The following ESRRG variants were observed in gnomAD, a reference collection of about 807,000 sequenced individuals.
The protein encoded by ESRRG is estrogen-related receptor gamma.
ESRRG carries 13 observed loss-of-function variants against 44.0 expected under a neutral mutation model. The ratio of observed to expected loss-of-function variants is 0.30; its 90% CI spans 0.19 to 0.47. ESRRG has a LOEUF of 0.47. Among genes scored for constraint, ESRRG ranks in the 20% least tolerant of loss-of-function variants. ESRRG has a pLI of 1.00. For synonymous variants in ESRRG, 215 were observed against 214.6 expected (o/e 1.00, Z -0.02); for missense variants, 395 against 580.6 (o/e 0.68, Z 3.29).
intron 1 of ESRRG, among the ~76,000 whole-genome samples, chr1:217,113,819 A>G (rs1189008751): frequency 6.6e-6 from 1 of 152,022 alleles, no homozygotes; most frequent in Non-Finnish European, 1.5e-5. Flanking sequence ...GTGAGACTTC[A>G]TCTCTACAAA....
chr1:216,700,029 G>A (rs959226177), intron 1 of ESRRG, among the ~76,000 whole-genome samples: 6 of 152,022 alleles, frequency 3.9e-5, no homozygotes, highest in African/African-American at 1.4e-4. Context: ...TTTAATGGAT[G>A]TATCAGTCAT....
chr1:217,122,217 T>C (rs1186066478), intron 1 of ESRRG, among the ~76,000 whole-genome samples: 1 of 152,164 alleles, frequency 6.6e-6, no homozygotes. Flanking sequence ...CAAGTAGAGA[T>C]ATCCAAGAGA....
chr1:216,526,777 G>A lies in ESRRG; in HGVS notation c.863-7356C>T, dbSNP rs11809345. Among the ~76,000 whole-genome samples, 1,056 of 152,196 alleles carry A rather than the reference G, an allele frequency of 6.9e-3. 6 individuals carry two copies. The highest frequency in any genetic ancestry group is 0.024 in the African/African-American group (997 of 41,514). Reference sequence around the variant, plus strand: ...TAATCATGAAGCACAAGGCTGTCTGGGTAACGGTGAGCACCTCAGACAAAA... The same window carrying A: ...TAATCATGAAGCACAAGGCTGTCTGAGTAACGGTGAGCACCTCAGACAAAA... On this transcript the variant is annotated intron_variant, in intron 5 of 6. Transcript: ENST00000408911.
intron 2 of ESRRG, among the ~76,000 whole-genome samples, chr1:216,661,596 C>A (rs2072437377): frequency 6.6e-6 from 1 of 152,060 alleles, no homozygotes; most frequent in Non-Finnish European, 1.5e-5. Flanking sequence ...TTGGATGATA[C>A]CCTATATGAT....
At chr1:216,817,478 C>T (rs1373234436) in intron 2 of ESRRG, among the ~76,000 whole-genome samples, 2 of 152,158 alleles carry the variant, frequency 1.3e-5, no homozygotes, top group Non-Finnish European at 2.9e-5. Flanking sequence ...TCAAACCTTA[C>T]ATAAATAGGC....
chr1:216,697,649 T>C (rs985652813), intron 1 of ESRRG, among the ~76,000 whole-genome samples: 1 of 152,174 alleles, frequency 6.6e-6, no homozygotes, highest in Non-Finnish European at 1.5e-5. Context: ...AAGGTCAAAA[T>C]AGCCATGCTA....
At chr1:216,821,687 G>GAAAA (rs1251334274) in intron 2 of ESRRG, among the ~76,000 whole-genome samples, 687 of 54,144 alleles carry the variant, frequency 0.013, 49 homozygotes, top group African/African-American at 0.041. Flanking sequence ...CCTGCCTCAG[G>GAAAA]AAAAATAAAT....
rs1056140044 is a variant in ESRRG at position 216,619,752 on chromosome 1, T to C, written c.589+31221A>G. Among the ~76,000 whole-genome samples the C allele has an allele frequency of 2.6e-5, 4 of 152,224 alleles. No homozygotes were observed. In the East Asian group the frequency reaches 7.7e-4, roughly 29 times the overall value. On this transcript the variant is annotated intron_variant, in intron 3 of 6. Transcript: ENST00000408911. ...CACAACATAGAATGGTTTGTTTAGT[T>C]GAAGACTTAACAGATGCCTAAGGAA... is the stretch of plus-strand genomic sequence containing the variant.
chr1:216,964,257 A>C (rs1205094489), intron 1 of ESRRG, among the ~76,000 whole-genome samples: 1 of 152,172 alleles, frequency 6.6e-6, no homozygotes, highest in Non-Finnish European at 1.5e-5. Flanking sequence ...AGAGAAAGTA[A>C]ATCACAGAAC....
intron 3 of ESRRG, among the ~76,000 whole-genome samples, chr1:216,620,553 A>G (rs2062056028): frequency 6.6e-6 from 1 of 152,232 alleles, no homozygotes; most frequent in African/African-American, 2.4e-5. Context: ...CCTAATTGTG[A>G]CAATAAGCAT....
rs182914821 is a variant in ESRRG, at chr1:217,069,987, C to T, written c.-106+19520G>A. On this transcript the variant is annotated intron_variant, in intron 1 of 7. Coordinates refer to the ESRRG transcript ENST00000359162. Reference sequence around the variant, plus strand: ...CCTATTTCCATTTCCCAGGAAGACCCTCATTATATACAAAGATGTGACTCT... The same window carrying T: ...CCTATTTCCATTTCCCAGGAAGACCTTCATTATATACAAAGATGTGACTCT... Among the ~76,000 whole-genome samples, 92 of 152,300 alleles carry T rather than the reference C, an allele frequency of 6.0e-4. 1 individual carries two copies. In the East Asian group the frequency reaches 0.012, roughly 20 times the overall value.
intron 2 of ESRRG, among the ~76,000 whole-genome samples, chr1:216,654,973 C>T (rs996770822): frequency 6.6e-6 from 1 of 152,094 alleles, no homozygotes; most frequent in African/African-American, 2.4e-5. Flanking sequence ...ATGAATGACT[C>T]ATCTAGGAAT....
chr1:217,021,049 T>TACACACACACAC (rs10655764), intron 1 of ESRRG, among the ~76,000 whole-genome samples: 8,461 of 145,020 alleles, frequency 0.058, 318 homozygotes, highest in Non-Finnish European at 0.079. Flanking sequence ...CTGCCATGCA[T>TACACACACACAC]ACACACACAC....
At position 216,773,262 on chromosome 1, in the gene ESRRG, T is replaced by C. The variant is rs550707671; in HGVS notation, c.-13-95771A>G. ...AAAATTGGATAGCTTACCAAGCAGA[T>C]AAGGGATTCACCATGGAATTCATGC... On this transcript the variant is annotated intron_variant, in intron 2 of 7. Coordinates refer to the ESRRG transcript ENST00000359162. 3.9e-5 allele frequency among the ~76,000 whole-genome samples: 6 copies of C among 152,230 alleles called. No individual in the cohort carries two copies. The East Asian group carries it at 1.2e-3, about 29-fold the overall frequency.
chr1:216,813,796 G>C (rs74672568), intron 2 of ESRRG, among the ~76,000 whole-genome samples: 2,337 of 152,230 alleles, frequency 0.015, 73 homozygotes, highest in African/African-American at 0.053. Flanking sequence ...GTACTACAAA[G>C]TCCTGCTTAT....
intron 2 of ESRRG, among the ~76,000 whole-genome samples, chr1:216,925,972 G>T (rs2062507813): frequency 6.6e-6 from 1 of 152,104 alleles, no homozygotes. Flanking sequence ...AAGTGGGTCT[G>T]CTCTTCACAG....
chr1:216,900,233 A>C (rs934609245), intron 2 of ESRRG, among the ~76,000 whole-genome samples: 1 of 152,220 alleles, frequency 6.6e-6, no homozygotes, highest in East Asian at 1.9e-4. Context: ...TACAGAGAAG[A>C]GTCAAAGAAG....
intron 1 of ESRRG, among the ~76,000 whole-genome samples, chr1:217,086,905 T>G (rs1410703817): frequency 1.4e-5 from 2 of 144,276 alleles, no homozygotes; most frequent in Non-Finnish European, 3.1e-5. Context: ...TCTAACAGAG[T>G]CAAACACACA....
chr1:217,047,822 T>C (rs2085165175), intron 1 of ESRRG, among the ~76,000 whole-genome samples: 1 of 152,260 alleles, frequency 6.6e-6, no homozygotes, highest in African/African-American at 2.4e-5. Flanking sequence ...CTAAATCCCA[T>C]AGTTAAGTGC....
Sources: allele counts gnomAD v4.1 joint callset (sites outside exome capture counted in the v4.1 genomes callset), GRCh38; gene constraint gnomAD v4.1.1; transcripts MANE v1.5; gene names NCBI Gene and HGNC (gene_info 2026-07-23, HGNC 2026-07-21).